PLCZ1: variants seen among roughly 807,000 people sequenced by gnomAD.
PLCZ1 encodes 1-phosphatidylinositol 4,5-bisphosphate phosphodiesterase zeta-1.
In PLCZ1, 64 loss-of-function variants were observed where a neutral mutation model predicts 76.8. The ratio of observed to expected loss-of-function variants is 0.83; its 90% confidence interval spans 0.68 to 1.03. The LOEUF (loss-of-function observed/expected upper bound fraction) is 1.03, where lower values mean the gene tolerates loss of function less well. Among genes scored for constraint, PLCZ1 ranks in the 50% least tolerant of loss-of-function variants. PLCZ1 has a pLI of 0.00. For synonymous variants in PLCZ1, 248 were observed against 230.8 expected, an observed-to-expected ratio of 1.07 and a Z score of -0.68; for missense variants, 751 against 713.7, an observed-to-expected ratio of 1.05 and a Z score of -0.60.
In PLCZ1 at chr12:18,683,750, G is replaced by C. The variant is rs1176606909; in HGVS notation, c.1741+380C>G. 4.6e-6 allele frequency: 3 copies of C among 656,134 alleles called. No homozygotes were observed. The East Asian group carries it at 1.8e-4, about 40-fold the overall frequency. The allele number at this position is 656,134 out of a possible 1,614,324, so 40.6% of individuals were successfully genotyped here. On this transcript the variant is annotated intron_variant, in intron 14 of 14. Coordinates refer to ENST00000266505, the MANE Select transcript of PLCZ1 (RefSeq NM_033123.4). ...CCTGAAAAGGGGTCAGGAAAGGATAGTCTCAGGCTCCCAATCTCTTCTCCT... is the reference window on the plus strand; with the variant it reads ...CCTGAAAAGGGGTCAGGAAAGGATACTCTCAGGCTCCCAATCTCTTCTCCT...
chr12:18,677,777 T>A, the PLCZ1 span, among the ~76,000 whole-genome samples: 2 of 152,104 alleles, frequency 1.3e-5, no homozygotes, highest in African/African-American at 4.8e-5. Flanking sequence ...AATAATTATT[T>A]GTGTTTTCTA....
chr12:18,725,052 A>G (rs1272778247), intron 3 of PLCZ1, among the ~76,000 whole-genome samples: 2 of 152,176 alleles, frequency 1.3e-5, no homozygotes, highest in African/African-American at 4.8e-5. Flanking sequence ...ATAAGTCCAA[A>G]CAAAATTCCA....
chr12:18,721,603 T>A (rs933846537), intron 4 of PLCZ1, among the ~76,000 whole-genome samples: 1 of 152,108 alleles, frequency 6.6e-6, no homozygotes, highest in Non-Finnish European at 1.5e-5. Context: ...TCTAGATCAG[T>A]GCTACTTAAA....
intron 10 of PLCZ1, among the ~76,000 whole-genome samples, chr12:18,698,418 G>A (rs1348459887): frequency 2.0e-5 from 3 of 152,094 alleles, no homozygotes; most frequent in African/African-American, 7.2e-5. Flanking sequence ...AAGGAAAAGA[G>A]CCTTTAAAAA....
chr12:18,663,031 G>A, the PLCZ1 span, among the ~76,000 whole-genome samples: 1 of 151,976 alleles, frequency 6.6e-6, no homozygotes. Context: ...AATATAAGTG[G>A]ATTAAACTCT....
the PLCZ1 span, among the ~76,000 whole-genome samples, chr12:18,668,621 G>A: frequency 5.3e-5 from 8 of 152,250 alleles, no homozygotes; most frequent in South Asian, 1.7e-3. Context: ...CCCTGGGGAA[G>A]CCCACAGATC....
chr12:18,707,825 C>A (rs1276991169), intron 6 of PLCZ1, among the ~76,000 whole-genome samples: 1 of 152,128 alleles, frequency 6.6e-6, no homozygotes, highest in African/African-American at 2.4e-5. Context: ...GTCTCCACTG[C>A]TCAAAGCCTT....
Position 18,699,867 on chromosome 12 carries a change from T to C in PLCZ1, c.1101A>G (p.Ser367=), listed in dbSNP as rs200412798. 2 of 1,613,198 alleles carry C rather than the reference T, an allele frequency of 1.2e-6. No individual in the cohort carries two copies. Among genetic ancestry groups the C allele is most frequent in the African/African-American group, 2.7e-5 (2 of 75,014 alleles). ...TTTCATTAAATTGCTGATATAATCTTGAATGTTGAAAGCTTTTGAATTTCT... is the reference window on the plus strand; with the variant it reads ...TTTCATTAAATTGCTGATATAATCTCGAATGTTGAAAGCTTTTGAATTTCT... ...KAEKFKSFQH[S]RLYQQFNENN... Residue 367 remains serine (S), a synonymous_variant, in exon 10 of 15, where the codon TCA becomes TCG. Transcript: ENST00000266505.
At chr12:18,721,457 A>T (rs1958429137) in intron 4 of PLCZ1, among the ~76,000 whole-genome samples, 1 of 152,100 alleles carries the variant, frequency 6.6e-6, no homozygotes, top group Non-Finnish European at 1.5e-5. Flanking sequence ...GAGGAAATGG[A>T]TGAACAGTAT....
chr12:18,692,729 A>G, intron 12 of PLCZ1: 2 of 893,668 alleles, frequency 2.2e-6, no homozygotes, highest in South Asian at 2.9e-5. Context: ...AACATAAAGA[A>G]AAAATGTTAA....
At chr12:18,695,898 CAT>C (rs755659763) in intron 11 of PLCZ1, among the ~76,000 whole-genome samples, 26 of 151,970 alleles carry the variant, frequency 1.7e-4, no homozygotes, top group African/African-American at 3.9e-4. Context: ...CTCCACTACA[CAT>C]GTCTCATATT....
chr12:18,726,467 A>G (rs922880081), intron 3 of PLCZ1, among the ~76,000 whole-genome samples: 5 of 152,160 alleles, frequency 3.3e-5, no homozygotes, highest in Admixed American at 6.6e-5. Context: ...TAGACATTTT[A>G]TTCTTTTTAT....
At chr12:18,681,026 C>T (rs888712883), downstream of PLCZ1, among the ~76,000 whole-genome samples, 3 of 152,006 alleles carry the variant, frequency 2.0e-5, no homozygotes, top group African/African-American at 4.8e-5. Flanking sequence ...CATGTTTTTG[C>T]CGTGCATTCA....
the PLCZ1 span, among the ~76,000 whole-genome samples, chr12:18,661,343 G>GAA: frequency 1.4e-3 from 209 of 151,032 alleles, no homozygotes; most frequent in Non-Finnish European, 2.3e-3. Context: ...CCCGTACCAA[G>GAA]ACATTATAAT....
the PLCZ1 span, among the ~76,000 whole-genome samples, chr12:18,656,885 TAA>T: frequency 6.6e-6 from 1 of 152,168 alleles, no homozygotes; most frequent in South Asian, 2.1e-4. Flanking sequence ...TAAATTTCAG[TAA>T]GAGAGATGTG....
At chr12:18,648,980 C>T in the PLCZ1 span, among the ~76,000 whole-genome samples, 2 of 152,224 alleles carry the variant, frequency 1.3e-5, no homozygotes, top group Admixed American at 6.5e-5. Flanking sequence ...ATCACCTCCT[C>T]TATATCATAT....
intron 2 of PLCZ1, 51 bp from the exon 3 acceptor site, chr12:18,736,395 T>A: frequency 6.4e-7 from 1 of 1,567,196 alleles, no homozygotes; most frequent in Non-Finnish European, 8.7e-7. Flanking sequence ...CATTGAATAT[T>A]TAAAATTCCT....
At chr12:18,680,564 C>G (rs1299572540), downstream of PLCZ1, among the ~76,000 whole-genome samples, 5 of 152,050 alleles carry the variant, frequency 3.3e-5, no homozygotes, top group East Asian at 9.7e-4. Context: ...TATTTGAGAC[C>G]CTAACCAACC....
intron 10 of PLCZ1, among the ~76,000 whole-genome samples, chr12:18,697,104 A>G (rs1955171932): frequency 6.6e-6 from 1 of 151,890 alleles, no homozygotes; most frequent in Non-Finnish European, 1.5e-5. Context: ...TTCTCCAAGG[A>G]TTTTCTTTTT....
Sources: allele counts gnomAD v4.1 joint callset (sites outside exome capture counted in the v4.1 genomes callset), GRCh38; gene constraint gnomAD v4.1.1; transcripts MANE v1.5; gene names NCBI Gene and HGNC (gene_info 2026-07-23, HGNC 2026-07-21).